The following RAB33A variants were observed in gnomAD, a reference collection of about 807,000 sequenced individuals.
RAB33A encodes RAB33A, member RAS oncogene family, also known as ras-related protein Rab-33A.
In RAB33A, 6 loss-of-function variants were observed where a neutral mutation model predicts 12.0. The observed-to-expected ratio is 0.50, with a 90% confidence interval of 0.27 to 0.99. The LOEUF is 0.99. Ranked by LOEUF, RAB33A falls within the 50% of genes least tolerant of loss-of-function variation. The probability of loss-of-function intolerance (pLI) is 0.11; values close to 1 mark genes in which losing one functional copy is unlikely to be tolerated. For missense variants in RAB33A, 109 were observed against 192.0 expected (o/e 0.57, Z 2.55); for synonymous variants, 70 against 82.4 (o/e 0.85, Z 0.81).
the RAB33A span, chrX:130,137,659 C>T: frequency 9.1e-7 from 1 of 1,103,671 alleles, no homozygotes; most frequent in African/African-American, 1.9e-5. Context: ...TCAAAGACAC[C>T]CATAATTCTG....
the RAB33A span, among the ~76,000 whole-genome samples, chrX:130,153,653 A>C: frequency 9.0e-6 from 1 of 110,775 alleles, no homozygotes; most frequent in African/African-American, 3.3e-5. Flanking sequence ...AATCAGATAG[A>C]GCTGGAGCTC....
the RAB33A span, chrX:130,145,385 G>T: frequency 1.5e-6 from 1 of 682,068 alleles, no homozygotes; most frequent in Non-Finnish European, 2.4e-6. Flanking sequence ...TACAATGGCA[G>T]GACAGACATA....
the RAB33A span, among the ~76,000 whole-genome samples, chrX:130,160,713 C>T: frequency 4.2e-4 from 47 of 110,658 alleles, no homozygotes; most frequent in Non-Finnish European, 7.2e-4. Context: ...CCATCGTGCC[C>T]GGATAACTGA....
intron 1 of RAB33A, among the ~76,000 whole-genome samples, chrX:130,177,305 G>A (rs992221512): frequency 8.9e-6 from 1 of 112,670 alleles, no homozygotes; most frequent in African/African-American, 3.2e-5. Flanking sequence ...TGAGACCAGA[G>A]CAACAACTAA....
At chrX:130,129,062 C>T in the RAB33A span, among the ~76,000 whole-genome samples, 1 of 112,081 alleles carries the variant, frequency 8.9e-6, no homozygotes, top group East Asian at 2.8e-4. Flanking sequence ...CATGGGCTAG[C>T]AGGGAGACAC....
the RAB33A span, among the ~76,000 whole-genome samples, chrX:130,151,563 G>A: frequency 3.1e-3 from 343 of 112,077 alleles, no homozygotes; most frequent in Middle Eastern, 0.028. Context: ...TTAACGTTGT[G>A]ACAAATGAAG....
Position 130,183,800 on chromosome X carries a change from A to G in RAB33A, c.259-485A>G, listed in dbSNP as rs1267058214. Among the ~76,000 whole-genome samples the G allele has an allele frequency of 2.7e-5, 3 of 112,159 alleles. No homozygotes were observed. The East Asian group carries it at 8.3e-4, about 31-fold the overall frequency. On this transcript the variant is annotated intron_variant, in intron 1 of 1. Transcript: ENST00000257017. ...TTTTCAGTTAACAATCTTAAGAAAAACTTGACAAATCCTGAAACTTCTCTT... is the reference window on the plus strand; with the variant it reads ...TTTTCAGTTAACAATCTTAAGAAAAGCTTGACAAATCCTGAAACTTCTCTT...
chrX:130,133,169 T>C, the RAB33A span: 2 of 725,082 alleles, frequency 2.8e-6, no homozygotes, highest in Middle Eastern at 4.5e-4. Flanking sequence ...TACCTGAGGG[T>C]AGAATGTGTG....
chrX:130,161,184 T>C, the RAB33A span, among the ~76,000 whole-genome samples: 16 of 111,116 alleles, frequency 1.4e-4, no homozygotes, highest in Admixed American at 1.9e-4. Flanking sequence ...TGAGACTTGT[T>C]TCCTGAGGGT....
the RAB33A span, among the ~76,000 whole-genome samples, chrX:130,146,314 C>T: frequency 9.2e-6 from 1 of 109,008 alleles, no homozygotes. Context: ...CGTGGTGGTA[C>T]GCACCTGTAG....
the RAB33A span, chrX:130,147,353 T>C: frequency 1.3e-6 from 1 of 748,033 alleles, no homozygotes; most frequent in South Asian, 2.2e-5. Context: ...CTCTAAGCTG[T>C]ACCAAGTGTG....
the RAB33A span, among the ~76,000 whole-genome samples, chrX:130,161,169 G>A: frequency 9.0e-6 from 1 of 110,987 alleles, no homozygotes; most frequent in African/African-American, 3.3e-5. Flanking sequence ...AGATCTATAC[G>A]TTCTTGAGAC....
chrX:130,162,997 T>C, the RAB33A span, among the ~76,000 whole-genome samples: 19 of 110,994 alleles, frequency 1.7e-4, no homozygotes, highest in African/African-American at 5.9e-4. Flanking sequence ...CAACATATAA[T>C]GGAAATGAAC....
At chrX:130,155,152 T>G in the RAB33A span, 2 of 1,211,300 alleles carry the variant, frequency 1.7e-6, no homozygotes, top group South Asian at 3.5e-5. Context: ...TGTAAGCATC[T>G]TACATAATAA....
At chrX:130,166,315 A>C in the RAB33A span, among the ~76,000 whole-genome samples, 2 of 111,111 alleles carry the variant, frequency 1.8e-5, no homozygotes, top group Non-Finnish European at 1.9e-5. Context: ...TTTCCTGGAC[A>C]AGTAATTCTG....
At chrX:130,130,006 T>C in the RAB33A span, 5 of 1,211,843 alleles carry the variant, frequency 4.1e-6, no homozygotes, top group Admixed American at 2.2e-5. Flanking sequence ...AGATGTTCCA[T>C]AGCACAATCC....
At chrX:130,129,195 G>A in the RAB33A span, among the ~76,000 whole-genome samples, 1 of 111,342 alleles carries the variant, frequency 9.0e-6, no homozygotes, top group Non-Finnish European at 1.9e-5. Flanking sequence ...AAAGAGGTCT[G>A]GAGGGGTGAG....
At chrX:130,168,185 A>G (rs935836396), upstream of RAB33A, among the ~76,000 whole-genome samples, 1 of 110,377 alleles carries the variant, frequency 9.1e-6, no homozygotes, top group Non-Finnish European at 1.9e-5. Flanking sequence ...TCAAAAAAGA[A>G]AAAGAAAGAA....
At position 130,184,843 on chromosome X, in the gene RAB33A, G is replaced by C; in HGVS notation, c.*103G>C. ...ACACCTGCTTGTTTCCATACAAATT[G>C]ATATCAAAATAAAATTTGTATAGAT... is the stretch of plus-strand genomic sequence containing the variant. On this transcript the variant is annotated 3_prime_UTR_variant, in exon 2 of 2. Transcript: ENST00000257017. 1.3e-6 allele frequency: 1 copy of C among 745,039 alleles called. No homozygotes were observed. The highest frequency in any genetic ancestry group is 1.9e-6 in the Non-Finnish European group (1 of 522,561). 61.4% of individuals were successfully genotyped at this position (745,039 alleles called of 1,213,427 possible). A position where few individuals can be genotyped will look rare whatever the true frequency, so the allele number is the denominator to read the frequency against.
Sources: allele counts gnomAD v4.1 joint callset (sites outside exome capture counted in the v4.1 genomes callset), GRCh38; gene constraint gnomAD v4.1.1; transcripts MANE v1.5; gene names NCBI Gene and HGNC (gene_info 2026-07-23, HGNC 2026-07-21).